OIT3: variants seen among roughly 807,000 people sequenced by gnomAD.
OIT3 encodes oncoprotein-induced transcript 3 protein.
A neutral mutation model predicts 52.2 loss-of-function variants in OIT3; 41 were observed. That is an observed-to-expected ratio of 0.79 (90% CI 0.61 to 1.02). OIT3 has a LOEUF of 1.02. Ranked by LOEUF, OIT3 falls within the 50% of genes least tolerant of loss-of-function variation. The probability of loss-of-function intolerance (pLI) is 0.00; values close to 1 mark genes in which losing one functional copy is unlikely to be tolerated. For missense variants in OIT3, 634 were observed against 715.5 expected (o/e 0.89, Z 1.30); for synonymous variants, 244 against 276.9 (o/e 0.88, Z 1.18).
At chr10:72,913,579 A>G in intron 6 of OIT3, 111 bp downstream of exon 6, 1 of 880,464 alleles carries the variant, frequency 1.1e-6, no homozygotes, top group South Asian at 1.4e-5. Context: ...ATTTACACAC[A>G]AAAGAACTGA....
chr10:72,918,634 A>G, intron 6 of OIT3: 1 of 665,408 alleles, frequency 1.5e-6, no homozygotes, highest in Non-Finnish European at 2.7e-6. Flanking sequence ...ACCAGGGTAC[A>G]CTTAAGTTTT....
chr10:72,902,395 G>A (rs575937214), intron 3 of OIT3, among the ~76,000 whole-genome samples: 1 of 152,228 alleles, frequency 6.6e-6, no homozygotes, highest in Non-Finnish European at 1.5e-5. Flanking sequence ...ACAGCAAACT[G>A]TCCAGCTCTC....
intron 6 of OIT3, among the ~76,000 whole-genome samples, chr10:72,920,862 A>G (rs550179437): frequency 6.6e-6 from 1 of 152,266 alleles, no homozygotes; most frequent in African/African-American, 2.4e-5. Context: ...TCAATTTTAG[A>G]GTAAGTATCA....
intron 1 of OIT3, among the ~76,000 whole-genome samples, chr10:72,895,341 T>C (rs1845866336): frequency 6.6e-6 from 1 of 152,170 alleles, no homozygotes; most frequent in African/African-American, 2.4e-5. Context: ...TAGTACCTCC[T>C]ATATTCCCCA....
At chr10:72,919,346 G>A (rs1328395317) in intron 6 of OIT3, among the ~76,000 whole-genome samples, 1 of 152,108 alleles carries the variant, frequency 6.6e-6, no homozygotes, top group Non-Finnish European at 1.5e-5. Context: ...AGAAGCTTTT[G>A]GGCTGAGATG....
At chr10:72,923,843 C>G (rs868114446) in intron 6 of OIT3, among the ~76,000 whole-genome samples, 1 of 152,066 alleles carries the variant, frequency 6.6e-6, no homozygotes, top group South Asian at 2.1e-4. Context: ...CTGAGTTGTC[C>G]AAACAACTGT....
intron 3 of OIT3, among the ~76,000 whole-genome samples, chr10:72,904,751 G>C (rs1052189020): frequency 6.6e-6 from 1 of 152,100 alleles, no homozygotes; most frequent in Non-Finnish European, 1.5e-5. Flanking sequence ...CATCCCTCAT[G>C]TAAGTGTCTT....
chr10:72,917,840 G>A, intron 6 of OIT3: 2 of 1,346,290 alleles, frequency 1.5e-6, no homozygotes, highest in Non-Finnish European at 1.1e-6. Flanking sequence ...GTTTTTTGAA[G>A]GATTCTTGTC....
rs757267854 is a variant in OIT3 at position 72,900,400 on chromosome 10, G to A, written c.460G>A (p.Asp154Asn). Residue 154 changes from aspartate to asparagine, a missense_variant, in exon 3 of 9, where the codon GAC (aspartate) becomes AAC (asparagine). By Grantham distance (23) the Asp-to-Asn change is conservative. Transcript: ENST00000334011. The stretch of plus-strand genomic sequence containing the variant: ...AGATTTTTATGACATCTGCGACGAG[G>A]ACTGCCATGGCAGCTGCTCAGATAC... ...CGHFYDICDEDCHGSCSDTSE... is the reference protein window; with the variant it reads ...CGHFYDICDENCHGSCSDTSE... 37 of 1,608,978 alleles carry A rather than the reference G, an allele frequency of 2.3e-5. No homozygotes were observed. Among genetic ancestry groups the A allele is most frequent in the Middle Eastern group, 1.6e-4 (1 of 6,066 alleles).
chr10:72,899,133 T>C, intron 2 of OIT3, 95 bp downstream of exon 2: 1 of 1,088,050 alleles, frequency 9.2e-7, no homozygotes, highest in East Asian at 2.4e-5. Flanking sequence ...CAGTGGCAAC[T>C]ATATCTCAAT....
rs749893113 is a variant in OIT3 at position 72,898,878 on chromosome 10, C to T, written c.276C>T (p.His92=). ...THAPVWLNGS[H]PLEGDGIVQR... ...CACCTGTCTGGCTCAATGGCAGCCA[C>T]CCCCTAGAAGGCGACGGCATTGTGC... The change falls in exon 2 of 9, where the codon CAC becomes CAT. Residue 92 remains histidine (H), a synonymous_variant. Coordinates refer to ENST00000334011, the MANE Select transcript of OIT3 (RefSeq NM_152635.3). The T allele has an allele frequency of 2.5e-6, 4 of 1,614,172 alleles. No homozygotes were observed. Among genetic ancestry groups the T allele is most frequent in the Admixed American group, 3.3e-5 (2 of 60,026 alleles).
At chr10:72,932,139 T>C (rs1344767477) in intron 8 of OIT3, among the ~76,000 whole-genome samples, 1 of 152,200 alleles carries the variant, frequency 6.6e-6, no homozygotes, top group Non-Finnish European at 1.5e-5. Context: ...AAATGCAAAC[T>C]TTGCCACATT....
At chr10:72,924,967 T>C (rs552009744) in intron 7 of OIT3, among the ~76,000 whole-genome samples, 7 of 151,868 alleles carry the variant, frequency 4.6e-5, no homozygotes, top group Non-Finnish European at 8.8e-5. Flanking sequence ...AAAAATTAGC[T>C]GGGTGTGGTG....
intron 7 of OIT3, among the ~76,000 whole-genome samples, chr10:72,927,155 T>A (rs916273320): frequency 1.2e-4 from 19 of 152,202 alleles, no homozygotes; most frequent in African/African-American, 4.3e-4. Context: ...TATTTCCTTT[T>A]TGAGACAGAG....
At chr10:72,932,292 G>A in intron 8 of OIT3, 62 bp from the exon 9 acceptor site, 10 of 1,446,016 alleles carry the variant, frequency 6.9e-6, no homozygotes, top group Non-Finnish European at 9.7e-6. Context: ...ATTGTGTCTT[G>A]TAAGTGCCCC....
intron 4 of OIT3, among the ~76,000 whole-genome samples, chr10:72,909,117 C>CTTT (rs35778299): frequency 3.6e-5 from 4 of 111,756 alleles, no homozygotes; most frequent in East Asian, 5.0e-4. Flanking sequence ...TTCCCAGTGT[C>CTTT]TTTTTTTTTT....
intron 6 of OIT3, among the ~76,000 whole-genome samples, chr10:72,921,317 G>A (rs1258704971): frequency 6.6e-6 from 1 of 152,118 alleles, no homozygotes; most frequent in East Asian, 1.9e-4. Flanking sequence ...GTGTATTTTT[G>A]CATGTGAGAT....
intron 6 of OIT3, among the ~76,000 whole-genome samples, chr10:72,915,922 G>A (rs1045279446): frequency 1.3e-5 from 2 of 152,100 alleles, no homozygotes; most frequent in African/African-American, 4.8e-5. Flanking sequence ...TTAGCTGCTA[G>A]GTGAATTCAC....
intron 7 of OIT3, 71 bp downstream of exon 7, chr10:72,924,715 G>A: frequency 8.1e-7 from 1 of 1,237,596 alleles, no homozygotes; most frequent in Non-Finnish European, 1.1e-6. Context: ...AGCACACCCA[G>A]TCATTTACTA....
Sources: allele counts gnomAD v4.1 joint callset (sites outside exome capture counted in the v4.1 genomes callset), GRCh38; gene constraint gnomAD v4.1.1; transcripts MANE v1.5; gene names NCBI Gene and HGNC (gene_info 2026-07-23, HGNC 2026-07-21).